IL34: variants seen among roughly 807,000 people sequenced by gnomAD.
IL34 encodes interleukin 34, also known as interleukin-34.
In IL34, 17 loss-of-function variants were observed where a neutral mutation model predicts 25.3. The ratio of observed to expected loss-of-function variants is 0.67; its 90% CI spans 0.46 to 1.01. IL34 has a LOEUF of 1.01. IL34 is among the 50% of genes least tolerant of loss of function. The probability of loss-of-function intolerance (pLI) is 0.00; values close to 1 mark genes in which losing one functional copy is unlikely to be tolerated. For missense variants in IL34, 368 were observed against 312.9 expected (o/e 1.18, Z -1.33); for synonymous variants, 174 against 140.9 (o/e 1.23, Z -1.66).
At chr16:70,631,524 TATACTC>T (rs1484481371) in intron 1 of IL34, among the ~76,000 whole-genome samples, 2 of 152,254 alleles carry the variant, frequency 1.3e-5, no homozygotes, top group Non-Finnish European at 2.9e-5. Context: ...TTTATCCTGT[TATACTC>T]AGCTTTGTTT....
At chr16:70,615,510 T>C (rs1215179750) in intron 1 of IL34, among the ~76,000 whole-genome samples, 1 of 151,552 alleles carries the variant, frequency 6.6e-6, no homozygotes, top group Non-Finnish European at 1.5e-5. Context: ...CGTCTCAAAA[T>C]AAATAAATAA....
intron 2 of IL34, among the ~76,000 whole-genome samples, chr16:70,655,416 T>A (rs2052192896): frequency 6.6e-6 from 1 of 150,962 alleles, no homozygotes; most frequent in Admixed American, 6.6e-5. Context: ...TGAGACAGGG[T>A]CTTGCTCTGT....
At chr16:70,581,407 TTTTTTTTTGGTATTTGAAGTTATTG>T (rs1349033128) in intron 1 of IL34, among the ~76,000 whole-genome samples, 9 of 152,060 alleles carry the variant, frequency 5.9e-5, no homozygotes, top group African/African-American at 1.9e-4. Flanking sequence ...TAACTTTTTT[TTTTTTTTTGGTATTTGAAGTTATTG>T]TTTTTTCCCC....
chr16:70,630,345 C>T (rs1388744627), intron 1 of IL34, among the ~76,000 whole-genome samples: 1 of 152,142 alleles, frequency 6.6e-6, no homozygotes, highest in African/African-American at 2.4e-5. Flanking sequence ...GATTCTCCTG[C>T]CTCAACCTCC....
At chr16:70,594,466 A>G (rs2050793468) in intron 1 of IL34, among the ~76,000 whole-genome samples, 1 of 152,202 alleles carries the variant, frequency 6.6e-6, no homozygotes, top group Non-Finnish European at 1.5e-5. Flanking sequence ...TATAGTGAAA[A>G]GTGGCTTCCT....
chr16:70,633,825 A>T (rs538127569), intron 1 of IL34, among the ~76,000 whole-genome samples: 2 of 149,660 alleles, frequency 1.3e-5, no homozygotes, highest in Non-Finnish European at 3.0e-5. Flanking sequence ...CAGTTTCTCA[A>T]TCATCACGTG....
At chr16:70,595,872 G>A (rs2050815022) in intron 1 of IL34, among the ~76,000 whole-genome samples, 1 of 152,002 alleles carries the variant, frequency 6.6e-6, no homozygotes, top group South Asian at 2.1e-4. Context: ...TTAGCTGGGC[G>A]TGGTGGTGTG....
At chr16:70,603,905 T>C (rs1400307059) in intron 1 of IL34, among the ~76,000 whole-genome samples, 1 of 152,162 alleles carries the variant, frequency 6.6e-6, no homozygotes, top group African/African-American at 2.4e-5. Context: ...GCTGAGGAGA[T>C]TCCATCGTAT....
intron 1 of IL34, among the ~76,000 whole-genome samples, chr16:70,585,683 T>A (rs542498544): frequency 6.7e-6 from 1 of 149,914 alleles, no homozygotes; most frequent in South Asian, 2.1e-4. Context: ...AGGGAGACTC[T>A]GTCTTAAAAA....
chr16:70,637,848 T>C (rs148636989), intron 1 of IL34, among the ~76,000 whole-genome samples: 105 of 152,336 alleles, frequency 6.9e-4, no homozygotes, highest in African/African-American at 2.4e-3. Flanking sequence ...TTTGCTATGC[T>C]CTATTTAAAG....
chr16:70,645,129 GGAGGAAGAC>G (rs2051894382), upstream of IL34, among the ~76,000 whole-genome samples: 3 of 145,332 alleles, frequency 2.1e-5, no homozygotes, highest in Non-Finnish European at 3.1e-5. Flanking sequence ...GAGGGAGGAA[GGAGGAAGAC>G]GAGGAAGGAG....
intron 1 of IL34, among the ~76,000 whole-genome samples, chr16:70,632,776 A>C (rs1307159167): frequency 1.3e-5 from 2 of 152,160 alleles, no homozygotes; most frequent in Non-Finnish European, 2.9e-5. Flanking sequence ...TCAGTGGCCA[A>C]GTACTGCCTC....
chr16:70,634,672 T>G (rs1434923283), intron 1 of IL34, among the ~76,000 whole-genome samples: 2 of 146,892 alleles, frequency 1.4e-5, no homozygotes, highest in African/African-American at 5.0e-5. Context: ...AGAGCGAGAT[T>G]CCGAATCAAA....
At chr16:70,594,332 AT>A (rs1260810059) in intron 1 of IL34, among the ~76,000 whole-genome samples, 6 of 152,128 alleles carry the variant, frequency 3.9e-5, no homozygotes, top group South Asian at 4.1e-4. Context: ...TCTTGTACAT[AT>A]TTTGTTAGAT....
intron 1 of IL34, among the ~76,000 whole-genome samples, chr16:70,629,915 G>A (rs2051480728): frequency 6.6e-6 from 1 of 152,064 alleles, no homozygotes. Context: ...ATTGACTCTA[G>A]TCACCCTGTT....
At chr16:70,586,481 T>TTG (rs2050695936) in intron 1 of IL34, among the ~76,000 whole-genome samples, 1 of 152,096 alleles carries the variant, frequency 6.6e-6, no homozygotes, top group Non-Finnish European at 1.5e-5. Context: ...GCTTGAGCCC[T>TTG]GGAGGTTGAG....
At chr16:70,656,902 T>TG in intron 3 of IL34, 58 bp from the exon 4 acceptor site, 1 of 1,546,336 alleles carries the variant, frequency 6.5e-7, no homozygotes, top group Non-Finnish European at 8.8e-7. Context: ...GGTGAGGGAG[T>TG]GGTCAGAGCC....
Position 70,646,845 on chromosome 16 carries a change from G to A in IL34, c.-103G>A, listed in dbSNP as rs1235548843. On this transcript the variant is annotated 5_prime_UTR_variant, in exon 1 of 6. Transcript: ENST00000288098. Reference sequence around the variant, plus strand: ...AGGGCCAGCCCTTCCCTGACTGAGTGACCACCTCTGCTGCCCCGAGGCCAT... The same window carrying A: ...AGGGCCAGCCCTTCCCTGACTGAGTAACCACCTCTGCTGCCCCGAGGCCAT... 24 of 1,169,084 alleles carry A rather than the reference G, an allele frequency of 2.1e-5. No homozygotes were observed. In the South Asian group the frequency reaches 3.8e-4, roughly 18 times the overall value. The allele number at this position is 1,169,084 out of a possible 1,614,324, so 72.4% of individuals were successfully genotyped here.
At chr16:70,655,561 CTT>C (rs199730756) in intron 2 of IL34, among the ~76,000 whole-genome samples, 14 of 150,988 alleles carry the variant, frequency 9.3e-5, no homozygotes, top group Admixed American at 4.0e-4. Context: ...CTAATTAAAA[CTT>C]TTTTTTTGAG....
Sources: gnomAD v4.1 joint callset for allele counts (sites outside exome capture counted in the v4.1 genomes callset) on GRCh38, gnomAD v4.1.1 for gene constraint, MANE v1.5 for transcripts, NCBI Gene and HGNC (gene_info 2026-07-23, HGNC 2026-07-21) for gene names.